Variants in ROR1 observed in about 807,000 individuals in gnomAD.
ROR1 encodes the protein ROR family WNT receptor 1.
ROR1 carries 19 observed loss-of-function variants against 78.8 expected under a neutral mutation model. The observed-to-expected ratio is 0.24, with a 90% confidence interval of 0.17 to 0.35. ROR1 has a LOEUF of 0.35. ROR1 is among the 10% of genes least tolerant of loss of function. The probability of loss-of-function intolerance (pLI) is 1.00; values close to 1 mark genes in which losing one functional copy is unlikely to be tolerated. For missense variants in ROR1, 917 were observed against 1,177.8 expected (o/e 0.78, Z 3.24); for synonymous variants, 386 against 433.6 (o/e 0.89, Z 1.36).
At chr1:63,945,265 G>T (rs903751915) in intron 1 of ROR1, among the ~76,000 whole-genome samples, 1 of 152,000 alleles carries the variant, frequency 6.6e-6, no homozygotes, top group Non-Finnish European at 1.5e-5. Context: ...ATCATATCTC[G>T]GTATACACAT....
intron 1 of ROR1, among the ~76,000 whole-genome samples, chr1:63,911,107 A>G (rs1211312190): frequency 1.3e-5 from 2 of 152,142 alleles, no homozygotes; most frequent in African/African-American, 2.4e-5. Context: ...CTCCTTTGCC[A>G]TGATGCTTGG....
intron 1 of ROR1, among the ~76,000 whole-genome samples, chr1:63,922,837 A>T (rs1435054661): frequency 1.3e-5 from 2 of 152,154 alleles, no homozygotes; most frequent in Non-Finnish European, 2.9e-5. Flanking sequence ...TTTAGGACTA[A>T]GTGGACTTTA....
chr1:64,156,478 G>A (rs1328118710), intron 7 of ROR1, among the ~76,000 whole-genome samples: 1 of 152,136 alleles, frequency 6.6e-6, no homozygotes, highest in Admixed American at 6.5e-5. Context: ...GGAGGCCGAG[G>A]CAGGCGGATC....
At chr1:64,077,218 A>C (rs954929649) in intron 4 of ROR1, among the ~76,000 whole-genome samples, 2 of 152,188 alleles carry the variant, frequency 1.3e-5, no homozygotes, top group African/African-American at 4.8e-5. Flanking sequence ...GGGCAGGGAG[A>C]TGTAAGGTTT....
At chr1:63,835,448 G>T (rs1645014111) in intron 1 of ROR1, among the ~76,000 whole-genome samples, 1 of 152,192 alleles carries the variant, frequency 6.6e-6, no homozygotes, top group Admixed American at 6.5e-5. Flanking sequence ...AGGCCCAGGG[G>T]CTGCAGAGAT....
intron 2 of ROR1, among the ~76,000 whole-genome samples, chr1:64,016,153 G>C (rs1397091336): frequency 1.3e-5 from 2 of 152,010 alleles, no homozygotes; most frequent in African/African-American, 2.4e-5. Context: ...TGGGCCTCAG[G>C]GTTTTCACCT....
chr1:64,122,170 G>C (rs972786989), intron 4 of ROR1, among the ~76,000 whole-genome samples: 5 of 152,188 alleles, frequency 3.3e-5, no homozygotes, highest in Non-Finnish European at 5.9e-5. Context: ...GATCCAATTT[G>C]TGAGCTAGCT....
At chr1:64,043,224 G>A (rs1409058149) in intron 2 of ROR1, among the ~76,000 whole-genome samples, 1 of 152,262 alleles carries the variant, frequency 6.6e-6, no homozygotes, top group Non-Finnish European at 1.5e-5. Context: ...GGAAGGATTT[G>A]TGGATTTGTG....
At chr1:63,885,286 C>A (rs1645349426) in intron 1 of ROR1, among the ~76,000 whole-genome samples, 1 of 152,090 alleles carries the variant, frequency 6.6e-6, no homozygotes, top group African/African-American at 2.4e-5. Context: ...CTAGGGAAAC[C>A]AGGCACGTAG....
chr1:63,973,174 C>T (rs1646131997), intron 1 of ROR1, among the ~76,000 whole-genome samples: 1 of 152,226 alleles, frequency 6.6e-6, no homozygotes, highest in African/African-American at 2.4e-5. Flanking sequence ...TCCCTGCTGT[C>T]AGGGGTGGTG....
chr1:64,034,572 T>A (rs1646686327), intron 2 of ROR1, among the ~76,000 whole-genome samples: 1 of 152,136 alleles, frequency 6.6e-6, no homozygotes, highest in Non-Finnish European at 1.5e-5. Context: ...TCATCTGCAT[T>A]CTCTTTCCTT....
At chr1:64,001,832 C>G (rs1348444699) in intron 1 of ROR1, among the ~76,000 whole-genome samples, 1 of 152,112 alleles carries the variant, frequency 6.6e-6, no homozygotes, top group Non-Finnish European at 1.5e-5. Flanking sequence ...TCCACAGGGC[C>G]CATATTCATA....
At chr1:64,020,240 A>G (rs577883614) in intron 2 of ROR1, among the ~76,000 whole-genome samples, 13 of 152,346 alleles carry the variant, frequency 8.5e-5, no homozygotes, top group African/African-American at 3.1e-4. Flanking sequence ...GATTTAAGCA[A>G]CTTGCCCTAC....
At chr1:64,020,357 T>C (rs983247400) in intron 2 of ROR1, among the ~76,000 whole-genome samples, 1 of 152,244 alleles carries the variant, frequency 6.6e-6, no homozygotes, top group Non-Finnish European at 1.5e-5. Flanking sequence ...GGTTCATTTA[T>C]TCAACAAATG....
intron 2 of ROR1, among the ~76,000 whole-genome samples, chr1:64,027,498 A>G (rs1376676075): frequency 6.6e-6 from 1 of 152,144 alleles, no homozygotes. Flanking sequence ...TTTACCATTC[A>G]CTTGCATCTC....
intron 4 of ROR1, among the ~76,000 whole-genome samples, chr1:64,125,233 T>G (rs1265673545): frequency 6.6e-6 from 1 of 152,208 alleles, no homozygotes; most frequent in Non-Finnish European, 1.5e-5. Context: ...GATGCACTGT[T>G]AAACTTTCGA....
intron 7 of ROR1, chr1:64,143,370 A>G (rs1171674882): frequency 7.2e-6 from 7 of 978,362 alleles, no homozygotes; most frequent in Non-Finnish European, 8.5e-6. Flanking sequence ...AAAAAAAGAA[A>G]AAAAAAAAAA....
At chr1:63,798,788 A>T (rs1644777965) in intron 1 of ROR1, among the ~76,000 whole-genome samples, 1 of 151,986 alleles carries the variant, frequency 6.6e-6, no homozygotes, top group African/African-American at 2.4e-5. Flanking sequence ...GGTAGACATG[A>T]TCGTCCCTTC....
chr1:63,893,393 G>A (rs556731984), intron 1 of ROR1, among the ~76,000 whole-genome samples: 2 of 152,256 alleles, frequency 1.3e-5, no homozygotes, highest in Admixed American at 6.5e-5. Context: ...TGCAGAGATA[G>A]AGACTGGGAT....
Sources: allele counts gnomAD v4.1 joint callset (sites outside exome capture counted in the v4.1 genomes callset), GRCh38; gene constraint gnomAD v4.1.1; transcripts MANE v1.5; gene names NCBI Gene and HGNC (gene_info 2026-07-23, HGNC 2026-07-21).